Variants in UGGT2 observed in about 807,000 individuals in gnomAD.
The protein encoded by UGGT2 is UDP-glucose:glycoprotein glucosyltransferase 2.
UGGT2 carries 180 observed loss-of-function variants against 192.1 expected under a neutral mutation model. The ratio of observed to expected loss-of-function variants is 0.94; its 90% CI spans 0.83 to 1.06. The LOEUF is 1.06. UGGT2 is among the 50% of genes least tolerant of loss of function. The probability of loss-of-function intolerance (pLI) is 0.00; values close to 1 mark genes in which losing one functional copy is unlikely to be tolerated. For missense variants in UGGT2, 1,849 were observed against 1,795.7 expected, an observed-to-expected ratio of 1.03 and a Z score of -0.54; for synonymous variants, 580 against 591.0, an observed-to-expected ratio of 0.98 and a Z score of 0.27.
chr13:95,845,602 C>T (rs1888331388), intron 36 of UGGT2, among the ~76,000 whole-genome samples: 1 of 151,870 alleles, frequency 6.6e-6, no homozygotes, highest in South Asian at 2.1e-4. Context: ...TCTGATCTCT[C>T]TTTCTTTTCC....
intron 27 of UGGT2, among the ~76,000 whole-genome samples, chr13:95,883,148 T>C (rs2047541367): frequency 1.3e-5 from 2 of 152,118 alleles, no homozygotes; most frequent in Non-Finnish European, 2.9e-5. Flanking sequence ...AAAAGTGATT[T>C]AGGATCCCAC....
At position 95,900,839 on chromosome 13, in the gene UGGT2, G is replaced by A; in HGVS notation, c.2602C>T (p.Pro868Ser). The change falls in exon 22 of 39, where the codon CCT becomes TCT. Residue 868 changes from proline to serine, a missense_variant. Physicochemically the swap from Pro to Ser is moderately conservative, Grantham distance 74 (BLOSUM62 -1). Transcript: ENST00000376747. ...TTGCTGACAATACCCATTTCTCCAG[G>A]ACGTAATTTAAGTACATCTTGACAG... The part of the protein sequence containing the change: ...LFCQDVLKLR[P>S]GEMGIVSNGR... 6.2e-7 allele frequency: 1 copy of A among 1,611,356 alleles called. No homozygotes were observed. The highest frequency in any genetic ancestry group is 8.5e-7 in the Non-Finnish European group (1 of 1,178,882).
chr13:95,886,988 G>A (rs1395947336), intron 26 of UGGT2, among the ~76,000 whole-genome samples: 1 of 152,122 alleles, frequency 6.6e-6, no homozygotes, highest in Admixed American at 6.6e-5. Context: ...CTGAGAAGTC[G>A]AGGCTACAGT....
At chr13:95,881,460 A>C (rs2047492988) in intron 27 of UGGT2, among the ~76,000 whole-genome samples, 1 of 152,184 alleles carries the variant, frequency 6.6e-6, no homozygotes, top group African/African-American at 2.4e-5. Flanking sequence ...TTCATATATT[A>C]TGCACTGAGA....
intron 1 of UGGT2, among the ~76,000 whole-genome samples, chr13:96,042,690 G>C (rs1030777178): frequency 1.3e-5 from 2 of 151,714 alleles, no homozygotes; most frequent in East Asian, 3.9e-4. Flanking sequence ...AAAACTTCAG[G>C]AAACAATGGA....
chr13:95,845,738 G>A (rs8001999), intron 36 of UGGT2, among the ~76,000 whole-genome samples: 93,053 of 149,258 alleles, frequency 0.62, 31,583 homozygotes, highest in Non-Finnish European at 0.78. Flanking sequence ...CTTCCCAGAC[G>A]GGGTGGCGGC....
At chr13:95,826,821 CAG>C (rs1886095524) in intron 38 of UGGT2, among the ~76,000 whole-genome samples, 1 of 151,260 alleles carries the variant, frequency 6.6e-6, no homozygotes, top group Admixed American at 6.6e-5. Flanking sequence ...AAGAAAAACA[CAG>C]AAAATTTTCT....
chr13:96,037,770 A>G (rs1006685240), intron 1 of UGGT2, among the ~76,000 whole-genome samples: 1 of 152,306 alleles, frequency 6.6e-6, no homozygotes, highest in South Asian at 2.1e-4. Context: ...ATGCTCTTCA[A>G]TTCTTCCACT....
chr13:95,942,230 GTGTGTGTGTGTGT>G (rs1566734946), intron 15 of UGGT2, among the ~76,000 whole-genome samples: 36 of 47,124 alleles, frequency 7.6e-4, no homozygotes, highest in African/African-American at 1.9e-3. Flanking sequence ...GGGTGTGTGT[GTGTGTGTGTGTGT>G]GTGTGTGTGT....
At chr13:96,044,911 C>T (rs1308203110) in intron 1 of UGGT2, among the ~76,000 whole-genome samples, 1 of 152,028 alleles carries the variant, frequency 6.6e-6, no homozygotes, top group Non-Finnish European at 1.5e-5. Context: ...CAAATTCTAC[C>T]AGACATTCAA....
rs140394396 is a variant in UGGT2 at position 95,855,709 on chromosome 13, T to G, written c.4008+449A>C. Among the ~76,000 whole-genome samples the G allele has an allele frequency of 3.4e-4, 51 of 152,206 alleles. No homozygotes were observed. In the East Asian group the frequency reaches 3.9e-3, roughly 12 times the overall value. The stretch of plus-strand genomic sequence containing the variant: ...TTAAAATGCTCTTTTCCTTAAGAGA[T>G]AGAGTGATGAGAATTTGGTTATTGG... On this transcript the variant is annotated intron_variant, in intron 34 of 38. Transcript: ENST00000376747.
At chr13:95,968,621 C>T (rs2050666254) in intron 12 of UGGT2, among the ~76,000 whole-genome samples, 1 of 152,152 alleles carries the variant, frequency 6.6e-6, no homozygotes, top group Non-Finnish European at 1.5e-5. Context: ...ATATGAGATA[C>T]CTGCTCCCTC....
intron 1 of UGGT2, 24 bp from the exon 2 acceptor site, chr13:96,031,995 G>A (rs370860454): frequency 1.9e-4 from 294 of 1,539,454 alleles, no homozygotes; most frequent in Middle Eastern, 8.5e-4. Context: ...AGAAGTAATC[G>A]GTTAGTAGAT....
At chr13:95,870,904 C>T (rs1210484563) in intron 29 of UGGT2, among the ~76,000 whole-genome samples, 1 of 152,184 alleles carries the variant, frequency 6.6e-6, no homozygotes, top group Non-Finnish European at 1.5e-5. Context: ...AAGTTTGGCC[C>T]TCTCTTGCTC....
At chr13:95,842,479 G>A (rs938593702) in intron 36 of UGGT2, among the ~76,000 whole-genome samples, 1 of 151,970 alleles carries the variant, frequency 6.6e-6, no homozygotes, top group African/African-American at 2.4e-5. Context: ...TTCTCCTCTT[G>A]ACAGATATTT....
chr13:95,935,067 G>A (rs2049416954), intron 17 of UGGT2, among the ~76,000 whole-genome samples: 1 of 152,052 alleles, frequency 6.6e-6, no homozygotes, highest in South Asian at 2.1e-4. Context: ...GTTTTGTTTT[G>A]TTTGCATGAT....
Position 95,853,592 on chromosome 13 carries a change from T to C in UGGT2, c.4235A>G (p.Gln1412Arg), listed in dbSNP as rs1566591367. The C allele has an allele frequency of 6.2e-7, 1 of 1,610,798 alleles. No homozygotes were observed. The highest frequency in any genetic ancestry group is 1.7e-5 in the Admixed American group (1 of 59,262). The change falls in exon 36 of 39, where the codon CAG becomes CGG. Residue 1412 changes from glutamine to arginine, a missense_variant. Transcript: ENST00000376747. ...TGGATCTTGACTGAGAGCTTGATAC[T>C]GGCTCCTGAGCCTGTCACCTGCTCC... The part of the protein sequence containing the change: ...RIGAGDRLRS[Q>R]YQALSQDPNS...
At chr13:96,033,082 C>A (rs1163324045) in intron 1 of UGGT2, among the ~76,000 whole-genome samples, 1 of 152,134 alleles carries the variant, frequency 6.6e-6, no homozygotes, top group African/African-American at 2.4e-5. Flanking sequence ...TTCCAGCTAA[C>A]AAGGGAAGTG....
chr13:95,842,023 A>G (rs756692763), intron 36 of UGGT2, among the ~76,000 whole-genome samples: 13 of 152,212 alleles, frequency 8.5e-5, no homozygotes, highest in South Asian at 6.2e-4. Flanking sequence ...TGAACTCTCA[A>G]TTCTATTCTA....
Sources: allele counts gnomAD v4.1 joint callset (sites outside exome capture counted in the v4.1 genomes callset), GRCh38; gene constraint gnomAD v4.1.1; transcripts MANE v1.5; gene names NCBI Gene and HGNC (gene_info 2026-07-23, HGNC 2026-07-21).